Variants in SLC30A8 observed in about 807,000 individuals in gnomAD.
The protein encoded by SLC30A8 is solute carrier family 30 member 8.
SLC30A8 carries 27 observed loss-of-function variants against 36.9 expected under a neutral mutation model. That is an observed-to-expected ratio of 0.73 (90% confidence interval 0.54 to 1.01). The LOEUF (loss-of-function observed/expected upper bound fraction) is 1.01, where lower values mean the gene tolerates loss of function less well. Among genes scored for constraint, SLC30A8 ranks in the 50% least tolerant of loss-of-function variants. SLC30A8 has a pLI of 0.00. For missense variants in SLC30A8, 439 were observed against 452.0 expected (o/e 0.97, Z 0.26); for synonymous variants, 164 against 172.4 (o/e 0.95, Z 0.38).
At chr8:117,029,762 GTGTT>G (rs1816977154) in intron 1 of SLC30A8, among the ~76,000 whole-genome samples, 2 of 152,174 alleles carry the variant, frequency 1.3e-5, no homozygotes, top group Non-Finnish European at 2.9e-5. Flanking sequence ...CAGAGTTTTT[GTGTT>G]TGTTTGGAGT....
intron 2 of SLC30A8, among the ~76,000 whole-genome samples, chr8:117,058,394 C>T (rs1817931833): frequency 6.6e-6 from 1 of 152,056 alleles, no homozygotes; most frequent in Non-Finnish European, 1.5e-5. Flanking sequence ...AATGTAGTCC[C>T]ACTTGTCTGT....
chr8:116,996,821 AG>A (rs1815836612), intron 1 of SLC30A8, among the ~76,000 whole-genome samples: 1 of 152,172 alleles, frequency 6.6e-6, no homozygotes, highest in African/African-American at 2.4e-5. Context: ...AGTGGTATTC[AG>A]GCATTTGGAA....
At chr8:117,158,027 A>G (rs1196230156) in intron 4 of SLC30A8, among the ~76,000 whole-genome samples, 183 bp downstream of exon 4, 1 of 152,182 alleles carries the variant, frequency 6.6e-6, no homozygotes, top group African/African-American at 2.4e-5. Flanking sequence ...GTTTTTTAAT[A>G]TTGGCTTCTG....
chr8:116,965,087 C>T, intron 1 of SLC30A8, among the ~76,000 whole-genome samples: 1 of 152,264 alleles, frequency 6.6e-6, no homozygotes, highest in East Asian at 1.9e-4. Flanking sequence ...CAGGCGTGCA[C>T]CATCATGCTC....
chr8:117,002,665 C>T (rs1364012165), intron 1 of SLC30A8, among the ~76,000 whole-genome samples: 3 of 151,980 alleles, frequency 2.0e-5, no homozygotes, highest in African/African-American at 4.8e-5. Flanking sequence ...AGTGCAGTGG[C>T]GCAATCTTGG....
At chr8:117,129,752 A>G (rs1052223540) in intron 2 of SLC30A8, among the ~76,000 whole-genome samples, 1 of 151,940 alleles carries the variant, frequency 6.6e-6, no homozygotes, top group Non-Finnish European at 1.5e-5. Context: ...GTGGAGACTC[A>G]GAGAATAATC....
chr8:116,998,422 G>T (rs1003272273), intron 1 of SLC30A8, among the ~76,000 whole-genome samples: 1 of 152,184 alleles, frequency 6.6e-6, no homozygotes, highest in African/African-American at 2.4e-5. Context: ...TACTGCCTGA[G>T]TCAAAGTACC....
intron 2 of SLC30A8, among the ~76,000 whole-genome samples, chr8:117,061,378 A>T (rs1324095627): frequency 6.6e-6 from 1 of 152,244 alleles, no homozygotes; most frequent in Admixed American, 6.5e-5. Flanking sequence ...AGGCTTTCTC[A>T]TAGCATTCCT....
intron 2 of SLC30A8, among the ~76,000 whole-genome samples, chr8:117,121,103 A>G (rs551434836): frequency 7.9e-5 from 12 of 152,052 alleles, no homozygotes; most frequent in Non-Finnish European, 1.3e-4. Flanking sequence ...TCAATAAATA[A>G]GAAATAGAAC....
At chr8:117,170,479 C>T (rs1249085925) in intron 6 of SLC30A8, among the ~76,000 whole-genome samples, 6 of 152,168 alleles carry the variant, frequency 3.9e-5, no homozygotes, top group Admixed American at 2.6e-4. Flanking sequence ...TCTATTAGCA[C>T]AGTTCACTAA....
chr8:117,086,613 C>T (rs565140270), intron 2 of SLC30A8, among the ~76,000 whole-genome samples: 58 of 152,272 alleles, frequency 3.8e-4, no homozygotes, highest in African/African-American at 1.3e-3. Context: ...ATTTAGTGAG[C>T]TCCATGGGTC....
Position 117,161,780 on chromosome 8 carries a change from C to G in SLC30A8, c.615C>G (p.His205Gln). The G allele has an allele frequency of 6.2e-7, 1 of 1,613,916 alleles. No individual in the cohort carries two copies. Among genetic ancestry groups the G allele is most frequent in the South Asian group, 1.1e-5 (1 of 91,066 alleles). Residue 205 changes from histidine (H) to glutamine (Q), a missense_variant, in exon 5 of 8, where the codon CAC becomes CAG. Coordinates refer to ENST00000456015, the MANE Select transcript of SLC30A8 (RefSeq NM_173851.3). ...ACCAGAGATGCCTTGGCCACAATCA[C>G]AAGGAAGTACAAGCCAATGCCAGCG... Reference protein sequence around the residue: ...VLHQRCLGHNHKEVQANASVR... With the variant: ...VLHQRCLGHNQKEVQANASVR...
chr8:117,002,629 G>A lies in SLC30A8; in HGVS notation c.-265-36590G>A, dbSNP rs145530429. Among the ~76,000 whole-genome samples, 1,044 of 151,706 alleles carry A rather than the reference G, an allele frequency of 6.9e-3. 7 individuals are homozygous for A. Among genetic ancestry groups the A allele is most frequent in the Middle Eastern group, 0.044 (13 of 294 alleles). On this transcript the variant is annotated intron_variant, in intron 1 of 10. Transcript: ENST00000427715. ...GTTTTTGTTTTTGTTTTTTTGAAACGGAGTCTTGCTCTGTCACCAGGCTGG... is the reference window on the plus strand; with the variant it reads ...GTTTTTGTTTTTGTTTTTTTGAAACAGAGTCTTGCTCTGTCACCAGGCTGG...
At chr8:117,069,916 G>C (rs1227011665) in intron 2 of SLC30A8, among the ~76,000 whole-genome samples, 2 of 152,042 alleles carry the variant, frequency 1.3e-5, no homozygotes, top group Non-Finnish European at 2.9e-5. Flanking sequence ...GTTTTGGTGT[G>C]GTTTGCACAT....
At chr8:117,146,485 C>T (rs750707518) in intron 1 of SLC30A8, among the ~76,000 whole-genome samples, 25 of 152,244 alleles carry the variant, frequency 1.6e-4, no homozygotes, top group Non-Finnish European at 3.1e-4. Flanking sequence ...AGAGTACTTA[C>T]GGACTCAGCA....
At chr8:117,070,570 A>G (rs550229580) in intron 2 of SLC30A8, among the ~76,000 whole-genome samples, 2 of 152,338 alleles carry the variant, frequency 1.3e-5, no homozygotes, top group East Asian at 1.9e-4. Context: ...TTGCTTACCT[A>G]TCATTTGTTT....
chr8:117,139,594 A>T (rs1010132428), intron 1 of SLC30A8, among the ~76,000 whole-genome samples: 1 of 152,128 alleles, frequency 6.6e-6, no homozygotes. Flanking sequence ...TGGTCAATTC[A>T]TACCTCAGGG....
chr8:117,111,843 G>A (rs954738163), intron 2 of SLC30A8, among the ~76,000 whole-genome samples: 6 of 152,192 alleles, frequency 3.9e-5, no homozygotes, highest in African/African-American at 1.4e-4. Context: ...AACCAGCTCT[G>A]CTCCTGGTTG....
intron 1 of SLC30A8, among the ~76,000 whole-genome samples, chr8:117,036,160 A>G (rs1817208481): frequency 6.6e-6 from 1 of 152,144 alleles, no homozygotes; most frequent in Non-Finnish European, 1.5e-5. Context: ...TCTGGCTGCA[A>G]AATTTCCAAA....
Sources: gnomAD v4.1 joint callset for allele counts (sites outside exome capture counted in the v4.1 genomes callset) on GRCh38, gnomAD v4.1.1 for gene constraint, MANE v1.5 for transcripts, NCBI Gene and HGNC (gene_info 2026-07-23, HGNC 2026-07-21) for gene names.